The following NPAS3 variants were observed in gnomAD, a reference collection of about 807,000 sequenced individuals.
The protein encoded by NPAS3 is neuronal PAS domain-containing protein 3.
A neutral mutation model predicts 73.1 loss-of-function variants in NPAS3; 14 were observed. That is an observed-to-expected ratio of 0.19 (90% CI 0.13 to 0.30). The LOEUF is 0.30. NPAS3 is among the 10% of genes least tolerant of loss of function. NPAS3 has a pLI of 1.00. For missense variants in NPAS3, 1,096 were observed against 1,250.0 expected (o/e 0.88, Z 1.86); for synonymous variants, 620 against 541.5 (o/e 1.14, Z -2.01).
intron 4 of NPAS3, among the ~76,000 whole-genome samples, chr14:33,418,294 G>C (rs1468607669): frequency 6.6e-6 from 1 of 151,930 alleles, no homozygotes; most frequent in East Asian, 1.9e-4. Context: ...AGGGGCCAAA[G>C]GCTGAACAGC....
At chr14:33,750,042 G>T (rs1250338504) in intron 7 of NPAS3, among the ~76,000 whole-genome samples, 2 of 152,000 alleles carry the variant, frequency 1.3e-5, no homozygotes, top group African/African-American at 4.8e-5. Context: ...TTTTAAGGAT[G>T]GTACTCTGCT....
intron 2 of NPAS3, among the ~76,000 whole-genome samples, chr14:33,109,127 A>T: frequency 6.6e-6 from 1 of 152,210 alleles, no homozygotes; most frequent in Non-Finnish European, 1.5e-5. Flanking sequence ...TCTCTATATT[A>T]CCACAATCAT....
chr14:33,470,940 A>T (rs971323382), intron 4 of NPAS3, among the ~76,000 whole-genome samples: 4 of 151,914 alleles, frequency 2.6e-5, no homozygotes, highest in Non-Finnish European at 4.4e-5. Flanking sequence ...ATTTAAAAAA[A>T]AAAAAAAAGA....
At chr14:33,108,307 C>T (rs531099202) in intron 2 of NPAS3, among the ~76,000 whole-genome samples, 2 of 151,632 alleles carry the variant, frequency 1.3e-5, no homozygotes, top group South Asian at 2.1e-4. Context: ...GATTCTCCTG[C>T]CTCAGCCTCC....
chr14:33,666,446 T>A (rs34446346), intron 5 of NPAS3, among the ~76,000 whole-genome samples: 3,106 of 152,276 alleles, frequency 0.02, 107 homozygotes, highest in African/African-American at 0.07. Flanking sequence ...GTGTGAATCG[T>A]GAACTAGCAG....
intron 4 of NPAS3, among the ~76,000 whole-genome samples, chr14:33,549,207 A>G (rs1466133289): frequency 2.0e-5 from 3 of 152,162 alleles, no homozygotes; most frequent in East Asian, 3.9e-4. Flanking sequence ...ACCTTTTCAA[A>G]TATTTTTTAA....
At chr14:33,322,864 A>G (rs2043518994) in intron 3 of NPAS3, among the ~76,000 whole-genome samples, 1 of 152,162 alleles carries the variant, frequency 6.6e-6, no homozygotes, top group Non-Finnish European at 1.5e-5. Context: ...CCATGGAGAT[A>G]TAGGTACTTT....
intron 5 of NPAS3, among the ~76,000 whole-genome samples, chr14:33,667,946 G>A (rs990808834): frequency 6.6e-6 from 1 of 152,062 alleles, no homozygotes; most frequent in South Asian, 2.1e-4. Context: ...TACATGTACA[G>A]GATGTGCAGG....
chr14:32,965,470 T>G (rs529512816), intron 1 of NPAS3, among the ~76,000 whole-genome samples: 1 of 152,294 alleles, frequency 6.6e-6, no homozygotes, highest in South Asian at 2.1e-4. Flanking sequence ...TCTGATCATC[T>G]CAATAGATGA....
chr14:33,039,502 T>G (rs982339159), intron 1 of NPAS3, among the ~76,000 whole-genome samples: 8 of 152,130 alleles, frequency 5.3e-5, no homozygotes, highest in African/African-American at 1.9e-4. Flanking sequence ...ATACATCACA[T>G]GCAGCAACAG....
At chr14:33,677,634 C>T (rs2059806834) in intron 6 of NPAS3, among the ~76,000 whole-genome samples, 1 of 150,764 alleles carries the variant, frequency 6.6e-6, no homozygotes, top group Admixed American at 6.6e-5. Flanking sequence ...AAAAAAACAA[C>T]ACACATTTGA....
chr14:33,575,195 C>T (rs1261447979), intron 5 of NPAS3, among the ~76,000 whole-genome samples: 1 of 152,172 alleles, frequency 6.6e-6, no homozygotes, highest in Non-Finnish European at 1.5e-5. Flanking sequence ...TTTAACATAG[C>T]TTGTTAACCA....
intron 4 of NPAS3, among the ~76,000 whole-genome samples, chr14:33,416,027 C>A (rs2048129869): frequency 6.6e-6 from 1 of 152,076 alleles, no homozygotes; most frequent in Admixed American, 6.6e-5. Context: ...CTGAGGATGT[C>A]TTTGTTCCCT....
chr14:33,162,153 T>C, intron 2 of NPAS3, among the ~76,000 whole-genome samples: 1 of 152,264 alleles, frequency 6.6e-6, no homozygotes, highest in Non-Finnish European at 1.5e-5. Flanking sequence ...TATACGGTCA[T>C]CTGTGTTGAT....
intron 3 of NPAS3, among the ~76,000 whole-genome samples, chr14:33,333,599 G>T (rs1316582313): frequency 6.6e-6 from 1 of 152,054 alleles, no homozygotes; most frequent in African/African-American, 2.4e-5. Flanking sequence ...TTTTTTTCCT[G>T]GGAGTCCATT....
chr14:33,748,485 G>A (rs1049418059), intron 7 of NPAS3, among the ~76,000 whole-genome samples: 1 of 152,116 alleles, frequency 6.6e-6, no homozygotes. Flanking sequence ...ATTATTACTT[G>A]GTAGTTTTGA....
chr14:33,718,578 A>G (rs2140529448), intron 6 of NPAS3, among the ~76,000 whole-genome samples: 1 of 152,354 alleles, frequency 6.6e-6, no homozygotes, highest in Admixed American at 6.5e-5. Context: ...AGAACAAGGT[A>G]GTAACGTGTG....
At chr14:33,710,402 G>C (rs144031696) in intron 6 of NPAS3, among the ~76,000 whole-genome samples, 1 of 152,286 alleles carries the variant, frequency 6.6e-6, no homozygotes, top group African/African-American at 2.4e-5. Flanking sequence ...AGTTGATAAA[G>C]GGTCATTTGT....
chr14:33,307,881 G>A (rs1437956555), intron 3 of NPAS3, among the ~76,000 whole-genome samples: 1 of 152,112 alleles, frequency 6.6e-6, no homozygotes, highest in Non-Finnish European at 1.5e-5. Flanking sequence ...CTGCCTGGGT[G>A]AGTCATTACG....
Sources: gnomAD v4.1 joint callset for allele counts (sites outside exome capture counted in the v4.1 genomes callset) on GRCh38, gnomAD v4.1.1 for gene constraint, MANE v1.5 for transcripts, NCBI Gene and HGNC (gene_info 2026-07-23, HGNC 2026-07-21) for gene names.